The following ZSCAN1 variants were observed in gnomAD, a reference collection of about 807,000 sequenced individuals.
ZSCAN1 encodes zinc finger and SCAN domain-containing protein 1.
In ZSCAN1, 23 loss-of-function variants were observed where a neutral mutation model predicts 23.8. That is an observed-to-expected ratio of 0.97 (90% CI 0.70 to 1.37). The LOEUF (loss-of-function observed/expected upper bound fraction) is 1.37. Among genes scored for constraint, ZSCAN1 ranks in the 40% most tolerant of loss-of-function variants. The probability of loss-of-function intolerance (pLI) is 0.00; values close to 1 mark genes in which losing one functional copy is unlikely to be tolerated. For missense variants in ZSCAN1, 575 were observed against 554.0 expected (o/e 1.04, Z -0.38); for synonymous variants, 236 against 232.3 (o/e 1.02, Z -0.15).
In ZSCAN1 at chr19:58,036,873, G is replaced by A. The variant is rs192656565; in HGVS notation, c.-109-855G>A. Among the ~76,000 whole-genome samples, 227 of 152,140 alleles carry A rather than the reference G, an allele frequency of 1.5e-3. 1 individual carries two copies. The highest frequency in any genetic ancestry group is 2.6e-3 in the Admixed American group (39 of 15,262). ...GCTAATTTTTGTATTTTTAGTAGAC[G>A]GGGTTTCGCCATGTCGGTCAGGCTG... On this transcript the variant is annotated intron_variant, in intron 2 of 5. Transcript: ENST00000282326.
chr19:58,054,183 C>A lies in ZSCAN1; in HGVS notation c.*132C>A. On this transcript the variant is annotated 3_prime_UTR_variant, in exon 6 of 6. Transcript: ENST00000282326. The surrounding 1 kb of genome is among the most constrained non-coding windows in gnomAD (Gnocchi z 4.2). ...TGGGACTCCTCTTGAAGGACACAAG[C>A]TGTTTCTCGGAAGACCCTGGACACC... The A allele has an allele frequency of 7.9e-7, 1 of 1,261,714 alleles. No individual in the cohort carries two copies. Among genetic ancestry groups the A allele is most frequent in the Non-Finnish European group, 1.1e-6 (1 of 947,498 alleles). 78.2% of individuals were successfully genotyped at this position (1,261,714 alleles called of 1,614,324 possible). A position where few individuals can be genotyped will look rare whatever the true frequency, so the allele number is the denominator to read the frequency against.
chr19:58,036,211 G>T (rs2073734673), intron 2 of ZSCAN1, among the ~76,000 whole-genome samples, 200 bp downstream of exon 2: 1 of 152,146 alleles, frequency 6.6e-6, no homozygotes, highest in Non-Finnish European at 1.5e-5. Flanking sequence ...GATGGGGGAG[G>T]TAGTTGATCC....
chr19:58,046,750 T>C (rs2073829068), intron 4 of ZSCAN1: 1 of 769,956 alleles, frequency 1.3e-6, no homozygotes. Flanking sequence ...GAGAAGGAGG[T>C]TGCAGAGGTG....
At chr19:58,036,935 G>A (rs912590639) in intron 2 of ZSCAN1, among the ~76,000 whole-genome samples, 19 of 151,952 alleles carry the variant, frequency 1.3e-4, no homozygotes, top group African/African-American at 4.4e-4. Context: ...CCACCCACCC[G>A]GGCCTCCCAA....
chr19:58,046,093 C>A lies in ZSCAN1; in HGVS notation c.465+5549C>A, dbSNP rs1384160916. The stretch of plus-strand genomic sequence containing the variant: ...CGCTCCCCAAAGGCCAGGGGCCCAG[C>A]CCCAGCCAGAAGTGCCTGACACTGT... On this transcript the variant is annotated intron_variant, in intron 4 of 5. Transcript: ENST00000282326. 5.8e-6 allele frequency: 4 copies of A among 685,236 alleles called. No homozygotes were observed. In the African/African-American group the frequency reaches 7.1e-5, roughly 12 times the overall value. 42.4% of individuals were successfully genotyped at this position (685,236 alleles called of 1,614,324 possible). A position where few individuals can be genotyped will look rare whatever the true frequency, so the allele number is the denominator to read the frequency against.
At chr19:58,042,589 C>A (rs915259153) in intron 4 of ZSCAN1, among the ~76,000 whole-genome samples, 1 of 152,150 alleles carries the variant, frequency 6.6e-6, no homozygotes, top group African/African-American at 2.4e-5. Flanking sequence ...TCTCCTGCAC[C>A]AAAACAAAGT....
chr19:58,056,252 G>A (rs2073888728), downstream of ZSCAN1, among the ~76,000 whole-genome samples: 1 of 152,196 alleles, frequency 6.6e-6, no homozygotes, highest in Non-Finnish European at 1.5e-5. Flanking sequence ...AGTGTCCTTT[G>A]TGGCCCTGCT....
chr19:58,052,730 G>C lies in ZSCAN1; in HGVS notation c.604+102G>C, dbSNP rs1242271108. 6 of 1,458,850 alleles carry C rather than the reference G, an allele frequency of 4.1e-6. No homozygotes were observed. In the African/African-American group the frequency reaches 8.5e-5, roughly 21 times the overall value. The allele number at this position is 1,458,850 out of a possible 1,614,324, so 90.4% of individuals were successfully genotyped here. A position where few individuals can be genotyped will look rare whatever the true frequency, so the allele number is the denominator to read the frequency against. ...ATGGGTTGAGTTGGGTGCTTCGGTG[G>C]TGAACTCCACACTTCCCCCAGAAAG... On this transcript the variant is annotated intron_variant, in intron 5 of 5. Coordinates refer to ENST00000282326, the MANE Select transcript of ZSCAN1 (RefSeq NM_182572.4).
rs1269701087 is a variant in ZSCAN1 at position 58,049,703 on chromosome 19, C to T, written c.466-2787C>T. Among the ~76,000 whole-genome samples, 1 of 152,200 alleles carries T rather than the reference C, an allele frequency of 6.6e-6. No individual in the cohort carries two copies. The highest frequency in any genetic ancestry group is 2.4e-5 in the African/African-American group (1 of 41,448). ...TCCCTGAGATCCCATGGGCGTATCT[C>T]CCTGAGGCCCTGGCGGGAATGACTG... is the stretch of plus-strand genomic sequence containing the variant. On this transcript the variant is annotated intron_variant, in intron 4 of 5. Transcript: ENST00000282326. The surrounding 1 kb of genome is among the most constrained non-coding windows in gnomAD (Gnocchi z 4.5).
rs201378520 is a variant in ZSCAN1 at position 58,047,999 on chromosome 19, G to A, written c.466-4491G>A. On this transcript the variant is annotated intron_variant, in intron 4 of 5. Transcript: ENST00000282326. The surrounding 1 kb of genome is among the most constrained non-coding windows in gnomAD (Gnocchi z 4.9). ...TCCTGGTAAAAATGTCCCTCCGGGG[G>A]CCTCCAAGCATAGGATTTGGAAGAC... Among the ~76,000 whole-genome samples, 88 of 152,322 alleles carry A rather than the reference G, an allele frequency of 5.8e-4. 1 individual carries two copies. The East Asian group carries it at 0.013, about 22-fold the overall frequency.
At chr19:58,046,728 A>G (rs1171692118) in intron 4 of ZSCAN1, 12 of 797,514 alleles carry the variant, frequency 1.5e-5, no homozygotes, top group Non-Finnish European at 2.5e-5. Context: ...AAGGGTGGAG[A>G]AGGAGAAGGT....
At position 58,045,241 on chromosome 19, in the gene ZSCAN1, C is replaced by G. The variant is rs765375249; in HGVS notation, c.465+4697C>G. On this transcript the variant is annotated intron_variant, in intron 4 of 5. Coordinates refer to ENST00000282326, the MANE Select transcript of ZSCAN1 (RefSeq NM_182572.4). This position sits in a 1 kb window ranked among gnomAD's most constrained non-coding sequence, Gnocchi z 4.3. ...CCGTTCCTCCTGTTCGTGGTGGTGC[C>G]GTTCGTGGAGTTTCTGCTGCCTGTT... 7.0e-5 allele frequency: 57 copies of G among 808,582 alleles called. No individual in the cohort carries two copies. The highest frequency in any genetic ancestry group is 1.2e-4 in the Non-Finnish European group (55 of 445,036). 50.1% of individuals were successfully genotyped at this position (808,582 alleles called of 1,614,324 possible). A position where few individuals can be genotyped will look rare whatever the true frequency, so the allele number is the denominator to read the frequency against.
Position 58,053,741 on chromosome 19 carries a change from A to G in ZSCAN1, c.917A>G (p.His306Arg). The G allele has an allele frequency of 6.2e-7, 1 of 1,614,002 alleles. No individual in the cohort carries two copies. The highest frequency in any genetic ancestry group is 8.5e-7 in the Non-Finnish European group (1 of 1,179,984). ...GGGATGGTCTTCACCTGGGTCACCC[A>G]CTTCATCGAGCACCAGAAGACCCAT... ...DCGMVFTWVT[H>R]FIEHQKTHRE... The change falls in exon 6 of 6, where the codon CAC becomes CGC. Residue 306 changes from histidine to arginine, a missense_variant. Coordinates refer to ENST00000282326, the MANE Select transcript of ZSCAN1 (RefSeq NM_182572.4). The surrounding 1 kb of genome is among the most constrained non-coding windows in gnomAD (Gnocchi z 5.8).
chr19:58,041,181 C>G (rs2073786609), intron 4 of ZSCAN1, among the ~76,000 whole-genome samples: 1 of 152,256 alleles, frequency 6.6e-6, no homozygotes, highest in Non-Finnish European at 1.5e-5. Context: ...CTTTCTGCCT[C>G]TGGATCTTGG....
chr19:58,047,696 T>C lies in ZSCAN1; in HGVS notation c.466-4794T>C, dbSNP rs1430616309. Among the ~76,000 whole-genome samples the C allele has an allele frequency of 6.6e-6, 1 of 152,246 alleles. No individual in the cohort carries two copies. The highest frequency in any genetic ancestry group is 1.5e-5 in the Non-Finnish European group (1 of 68,038). On this transcript the variant is annotated intron_variant, in intron 4 of 5. Transcript: ENST00000282326. The surrounding 1 kb of genome is among the most constrained non-coding windows in gnomAD (Gnocchi z 4.9). The stretch of plus-strand genomic sequence containing the variant: ...GTGCACCCACAGCAGCATACCCTTC[T>C]CACCCCTTGTGGTGTTGCAGGCTCA...
rs760084520 is a variant in ZSCAN1 at position 58,053,782 on chromosome 19, T to C, written c.958T>C (p.Phe320Leu). The stretch of plus-strand genomic sequence containing the variant: ...GAAGACCCATCGCGAGGAAGGGCCC[T>C]TTCCGTGCCCCGAGTGTGGCAAGGT... ...HQKTHREEGP[F>L]PCPECGKVFL... is the part of the protein sequence containing the mutation. Residue 320 changes from phenylalanine (F) to leucine (L), a missense_variant, in exon 6 of 6, where the codon TTT (phenylalanine) becomes CTT (leucine). Physicochemically the swap from Phe to Leu is conservative, Grantham distance 22. Coordinates refer to ENST00000282326, the MANE Select transcript of ZSCAN1 (RefSeq NM_182572.4). The surrounding 1 kb of genome is among the most constrained non-coding windows in gnomAD (Gnocchi z 5.8). The C allele has an allele frequency of 6.2e-7, 1 of 1,614,008 alleles. No homozygotes were observed. Among genetic ancestry groups the C allele is most frequent in the East Asian group, 2.2e-5 (1 of 44,848 alleles).
chr19:58,037,751 G>T lies in ZSCAN1; in HGVS notation c.-86G>T. On this transcript the variant is annotated 5_prime_UTR_variant, in exon 3 of 6. Transcript: ENST00000282326. ...AGGCCCCTGATTGCTGATTCTGTCC[G>T]CCTGCCACACCGGCTCTGTCCGGAG... 2 of 1,415,476 alleles carry T rather than the reference G, an allele frequency of 1.4e-6. No homozygotes were observed. The highest frequency in any genetic ancestry group is 3.0e-5 in the South Asian group (2 of 65,934). 87.7% of individuals were successfully genotyped at this position (1,415,476 alleles called of 1,614,324 possible). A position where few individuals can be genotyped will look rare whatever the true frequency, so the allele number is the denominator to read the frequency against.
chr19:58,036,096 A>G (rs1346019801), intron 2 of ZSCAN1, 85 bp downstream of exon 2: 1 of 152,300 alleles, frequency 6.6e-6, no homozygotes, highest in Non-Finnish European at 1.5e-5. Context: ...ATCATCCTGC[A>G]TCCCACGTTC....
intron 4 of ZSCAN1, among the ~76,000 whole-genome samples, chr19:58,051,750 C>T (rs1475324588): frequency 6.6e-6 from 1 of 152,182 alleles, no homozygotes; most frequent in East Asian, 1.9e-4. Flanking sequence ...TGCAGTTTGC[C>T]GAGCCCTTGA....
Sources: gnomAD v4.1 joint callset for allele counts (sites outside exome capture counted in the v4.1 genomes callset) on GRCh38, gnomAD v4.1.1 for gene constraint, Gnocchi (gnomAD v3.1) non-coding constraint, MANE v1.5 for transcripts, NCBI Gene and HGNC (gene_info 2026-07-23, HGNC 2026-07-21) for gene names.